PAK3: variants seen among roughly 807,000 people sequenced by gnomAD.
PAK3 encodes serine/threonine-protein kinase PAK 3.
A neutral mutation model predicts 41.0 loss-of-function variants in PAK3; 4 were observed. That is an observed-to-expected ratio of 0.10 (90% confidence interval 0.05 to 0.22). The LOEUF is 0.22. Among genes scored for constraint, PAK3 ranks in the 10% least tolerant of loss-of-function variants. The probability of loss-of-function intolerance (pLI) is 1.00; values close to 1 mark genes in which losing one functional copy is unlikely to be tolerated. For synonymous variants in PAK3, 146 were observed against 139.6 expected (o/e 1.05, Z -0.32); for missense variants, 205 against 409.9 (o/e 0.50, Z 4.32).
chrX:110,987,302 G>A (rs1382212788), intron 1 of PAK3, among the ~76,000 whole-genome samples: 3 of 112,626 alleles, frequency 2.7e-5, no homozygotes, highest in East Asian at 2.8e-4. Context: ...TGTGGAAGTC[G>A]GGGCAACCTG....
chrX:110,948,544 A>G (rs1257079183), intron 1 of PAK3, among the ~76,000 whole-genome samples: 3 of 111,525 alleles, frequency 2.7e-5, no homozygotes, highest in African/African-American at 9.8e-5. Context: ...GTGACTATTG[A>G]CCCTTCTTGG....
intron 1 of PAK3, among the ~76,000 whole-genome samples, chrX:111,076,912 T>G (rs182260086): frequency 1.3e-4 from 14 of 111,068 alleles, no homozygotes; most frequent in Non-Finnish European, 2.6e-4. Context: ...CATAATCTTA[T>G]ATATAGAAAA....
chrX:111,138,214 C>T (rs1234074418), intron 5 of PAK3, among the ~76,000 whole-genome samples: 1 of 110,551 alleles, frequency 9.0e-6, no homozygotes, highest in Non-Finnish European at 1.9e-5. Context: ...ATCTATAAAA[C>T]AAGAACAAGA....
At chrX:111,075,917 A>G (rs1003214606) in intron 1 of PAK3, among the ~76,000 whole-genome samples, 1 of 112,700 alleles carries the variant, frequency 8.9e-6, no homozygotes, top group African/African-American at 3.2e-5. Context: ...TCAAGGGAGA[A>G]TATTTTGGAG....
At chrX:111,123,309 G>C in intron 5 of PAK3, 31 bp downstream of exon 5, 6 of 1,113,907 alleles carry the variant, frequency 5.4e-6, no homozygotes, top group Non-Finnish European at 7.4e-6. Flanking sequence ...CATTGAAAAT[G>C]GGCTAGTTTA....
At chrX:111,023,311 T>C in intron 1 of PAK3, among the ~76,000 whole-genome samples, 1 of 112,328 alleles carries the variant, frequency 8.9e-6, no homozygotes, top group Non-Finnish European at 1.9e-5. Context: ...TTTGAGTTGG[T>C]TCCAAGACTT....
intron 7 of PAK3, among the ~76,000 whole-genome samples, chrX:111,150,417 C>T (rs371168745): frequency 9.0e-6 from 1 of 111,674 alleles, no homozygotes; most frequent in Non-Finnish European, 1.9e-5. Flanking sequence ...TGTATTAGTC[C>T]GTTTTCATGC....
At chrX:111,023,827 C>T (rs781573153) in intron 1 of PAK3, among the ~76,000 whole-genome samples, 5 of 111,430 alleles carry the variant, frequency 4.5e-5, no homozygotes, top group Non-Finnish European at 9.4e-5. Flanking sequence ...TAAAAATTTT[C>T]TCCCAATCTG....
chrX:111,141,973 G>T, intron 5 of PAK3, 123 bp from the exon 6 acceptor site: 1 of 532,426 alleles, frequency 1.9e-6, no homozygotes, highest in East Asian at 3.3e-5. Context: ...GTTAAGTGTT[G>T]TTAAAATTGT....
chrX:111,136,945 A>G (rs942730078), intron 5 of PAK3, among the ~76,000 whole-genome samples: 2 of 111,961 alleles, frequency 1.8e-5, no homozygotes, highest in Non-Finnish European at 3.8e-5. Flanking sequence ...ATGGTTTAAA[A>G]GATGGCTGTG....
chrX:111,148,021 A>G, intron 7 of PAK3, 131 bp downstream of exon 7: 1 of 523,740 alleles, frequency 1.9e-6, no homozygotes, highest in East Asian at 3.6e-5. Flanking sequence ...CAACATAAGG[A>G]AACCAAAAAA....
chrX:111,066,650 G>C (rs939137308), intron 1 of PAK3, among the ~76,000 whole-genome samples: 2 of 112,049 alleles, frequency 1.8e-5, no homozygotes, highest in African/African-American at 6.5e-5. Flanking sequence ...TCTGTCTAAT[G>C]CTGTCAGTGG....
chrX:111,028,001 G>GTGTGTATATATATACATATATA (rs1556448871), intron 1 of PAK3, among the ~76,000 whole-genome samples: 264 of 96,168 alleles, frequency 2.7e-3, no homozygotes, highest in African/African-American at 8.1e-3. Flanking sequence ...ATATGTGTGT[G>GTGTGTATATATATACATATATA]TGTGTATATA....
At position 111,033,492 on chromosome X, in the gene PAK3, C is replaced by G. The variant is rs139637877; in HGVS notation, c.-28+88864C>G. ...CTGACTCAATGAAATGGAACTTGCC[C>G]TAATTTGTTTTTAATTTTGGTAGAC... On this transcript the variant is annotated intron_variant, in intron 1 of 14. Transcript: ENST00000425146. 7.3e-3 allele frequency among the ~76,000 whole-genome samples: 811 copies of G among 111,813 alleles called. 6 individuals carry two copies. Among genetic ancestry groups the G allele is most frequent in the African/African-American group, 0.025 (766 of 30,782 alleles).
intron 10 of PAK3, among the ~76,000 whole-genome samples, chrX:111,172,213 A>G (rs1194628347): frequency 9.8e-6 from 1 of 102,498 alleles, no homozygotes; most frequent in Non-Finnish European, 1.9e-5. Flanking sequence ...CAATTGCTCT[A>G]CATCATTGAT....
intron 1 of PAK3, among the ~76,000 whole-genome samples, chrX:111,083,788 C>T (rs1393607828): frequency 2.7e-5 from 3 of 112,444 alleles, no homozygotes; most frequent in Non-Finnish European, 5.6e-5. Context: ...GAGAGATTCT[C>T]CACTCATGCA....
chrX:111,079,204 A>C (rs1006135465), intron 1 of PAK3, among the ~76,000 whole-genome samples: 16 of 112,080 alleles, frequency 1.4e-4, no homozygotes, highest in Non-Finnish European at 3.0e-4. Context: ...ATATAACAAA[A>C]CAGCCCTCTA....
chrX:111,163,183 A>C (rs1017213461), intron 9 of PAK3, 137 bp downstream of exon 9: 37 of 618,441 alleles, frequency 6.0e-5, no homozygotes, highest in Non-Finnish European at 9.6e-5. Flanking sequence ...AATATGACCA[A>C]GGTTTTGAGG....
At chrX:111,054,320 C>G (rs1017169941) in intron 1 of PAK3, among the ~76,000 whole-genome samples, 1 of 112,572 alleles carries the variant, frequency 8.9e-6, no homozygotes, top group African/African-American at 3.2e-5. Flanking sequence ...TCCAGTGCCC[C>G]TAGTCAGTGC....
Sources: allele counts gnomAD v4.1 joint callset (sites outside exome capture counted in the v4.1 genomes callset), GRCh38; gene constraint gnomAD v4.1.1; transcripts MANE v1.5; gene names NCBI Gene and HGNC (gene_info 2026-07-23, HGNC 2026-07-21).